Variants in SLC4A4 observed in about 807,000 individuals in gnomAD.
The protein encoded by SLC4A4 is solute carrier family 4 member 4.
Under a neutral mutation model 111.5 loss-of-function variants are expected in SLC4A4, and 27 were observed. The observed-to-expected ratio is 0.24, with a 90% CI of 0.18 to 0.33. SLC4A4 has a LOEUF of 0.33. Among genes scored for constraint, SLC4A4 ranks in the 10% least tolerant of loss-of-function variants. The probability of loss-of-function intolerance (pLI) is 1.00; values close to 1 mark genes in which losing one functional copy is unlikely to be tolerated. For missense variants in SLC4A4, 909 were observed against 1,315.5 expected, an observed-to-expected ratio of 0.69 and a Z score of 4.78; for synonymous variants, 443 against 463.4, an observed-to-expected ratio of 0.96 and a Z score of 0.57.
At chr4:71,175,623 G>A (rs1745067569) in intron 2 of SLC4A4, among the ~76,000 whole-genome samples, 2 of 152,238 alleles carry the variant, frequency 1.3e-5, no homozygotes, top group Non-Finnish European at 2.9e-5. Context: ...TGGCAGCGAG[G>A]CTGGGGGAGG....
intron 3 of SLC4A4, among the ~76,000 whole-genome samples, chr4:71,284,768 G>A (rs996672397): frequency 4.6e-5 from 7 of 152,012 alleles, no homozygotes; most frequent in Admixed American, 2.0e-4. Context: ...ATTTTGCTCC[G>A]CATTCTTTTC....
chr4:71,328,465 C>T (rs1358210464), intron 3 of SLC4A4, among the ~76,000 whole-genome samples: 1 of 152,102 alleles, frequency 6.6e-6, no homozygotes, highest in African/African-American at 2.4e-5. Context: ...TCCCTTTTCT[C>T]CACATCCTTG....
chr4:71,331,014 A>G (rs1222689357), intron 3 of SLC4A4, among the ~76,000 whole-genome samples: 2 of 152,218 alleles, frequency 1.3e-5, no homozygotes, highest in Non-Finnish European at 2.9e-5. Flanking sequence ...AGAAATGCAA[A>G]TCAAAACCAC....
At chr4:71,236,184 A>G (rs1266222617) in intron 1 of SLC4A4, 25 of 1,058,656 alleles carry the variant, frequency 2.4e-5, no homozygotes, top group Non-Finnish European at 2.7e-5. Context: ...CTGGATTTCC[A>G]CAAACGATCA....
intron 18 of SLC4A4, among the ~76,000 whole-genome samples, chr4:71,541,608 T>TCAGCTGCCTGTGGCCTCCC (rs1323977638): frequency 6.6e-6 from 1 of 152,084 alleles, no homozygotes; most frequent in Non-Finnish European, 1.5e-5. Flanking sequence ...CTCGGCCTTC[T>TCAGCTGCCTGTGGCCTCCC]CAGCTGCCTG....
intron 2 of SLC4A4, among the ~76,000 whole-genome samples, chr4:71,161,051 G>T (rs1744606003): frequency 6.6e-6 from 1 of 152,134 alleles, no homozygotes. Context: ...GGGGGCTGGG[G>T]TATGTCTGCT....
intron 1 of SLC4A4, among the ~76,000 whole-genome samples, chr4:71,226,245 A>G (rs1325433875): frequency 6.6e-6 from 1 of 152,204 alleles, no homozygotes; most frequent in Admixed American, 6.5e-5. Flanking sequence ...CCTGGGCTCA[A>G]GCAGTCTTCC....
rs1271454802 is a variant in SLC4A4, at chr4:71,509,232, A to G, written c.2166+11540A>G. 2.0e-5 allele frequency among the ~76,000 whole-genome samples: 3 copies of G among 152,188 alleles called. No homozygotes were observed. In the East Asian group the frequency reaches 5.8e-4, roughly 29 times the overall value. ...CTGTCTCACCATTCTTATTCAACATAGTATTGGAAGTTCTGGCCAGGGCAA... is the reference window on the plus strand; with the variant it reads ...CTGTCTCACCATTCTTATTCAACATGGTATTGGAAGTTCTGGCCAGGGCAA... On this transcript the variant is annotated intron_variant, in intron 16 of 25. Coordinates refer to ENST00000264485, the MANE Select transcript of SLC4A4 (RefSeq NM_001098484.3).
intron 2 of SLC4A4, among the ~76,000 whole-genome samples, chr4:71,127,820 C>T (rs1309559564): frequency 2.6e-5 from 4 of 152,086 alleles, no homozygotes; most frequent in Admixed American, 2.6e-4. Context: ...ATAAGATGTA[C>T]AATTCAAAGT....
intron 8 of SLC4A4, among the ~76,000 whole-genome samples, chr4:71,444,886 C>A (rs1725081880): frequency 6.6e-6 from 1 of 152,054 alleles, no homozygotes; most frequent in South Asian, 2.1e-4. Context: ...TGCTTGGATT[C>A]TCTCTATTTA....
intron 2 of SLC4A4, among the ~76,000 whole-genome samples, chr4:71,098,684 A>G (rs947517645): frequency 6.6e-6 from 1 of 152,170 alleles, no homozygotes; most frequent in East Asian, 1.9e-4. Flanking sequence ...CTAGATAAAA[A>G]GCAAGACCCA....
intron 7 of SLC4A4, among the ~76,000 whole-genome samples, chr4:71,413,556 A>G (rs1721580800): frequency 6.6e-6 from 1 of 152,244 alleles, no homozygotes; most frequent in Admixed American, 6.5e-5. Flanking sequence ...AGTGAAAAGT[A>G]CTTCTGCATT....
chr4:71,136,818 AT>A lies in SLC4A4; in HGVS notation c.-2+44034del, dbSNP rs377240933. 4.3e-4 allele frequency among the ~76,000 whole-genome samples: 65 copies of A among 151,978 alleles called. 1 individual carries two copies. Among genetic ancestry groups the A allele is most frequent in the African/African-American group, 1.4e-3 (58 of 41,474 alleles). ...CTGAAATAATAATAACAGCAATAGC[AT>A]TTTTTTTGGTGCAACTTAGTATAAG... On this transcript the variant is annotated intron_variant, in intron 2 of 26. Coordinates refer to the SLC4A4 transcript ENST00000649996.
At chr4:71,145,257 T>A (rs189480860) in intron 2 of SLC4A4, among the ~76,000 whole-genome samples, 2 of 152,324 alleles carry the variant, frequency 1.3e-5, no homozygotes, top group African/African-American at 4.8e-5. Flanking sequence ...GTTTATTGAT[T>A]TGTGTATGTT....
intron 7 of SLC4A4, among the ~76,000 whole-genome samples, chr4:71,439,323 G>A (rs897950756): frequency 6.6e-6 from 1 of 151,062 alleles, no homozygotes; most frequent in Non-Finnish European, 1.5e-5. Context: ...AGCTACTCAG[G>A]AGGCTGAGGC....
intron 2 of SLC4A4, among the ~76,000 whole-genome samples, chr4:71,105,351 G>A (rs1742878651): frequency 6.7e-6 from 1 of 148,928 alleles, no homozygotes; most frequent in Non-Finnish European, 1.5e-5. Context: ...ACTGCCCAAG[G>A]TAATTTATAG....
At chr4:71,108,105 T>G (rs1742993864) in intron 2 of SLC4A4, among the ~76,000 whole-genome samples, 1 of 152,200 alleles carries the variant, frequency 6.6e-6, no homozygotes, top group Admixed American at 6.5e-5. Context: ...AATTACAACT[T>G]TTTACAGTGT....
chr4:71,273,348 T>G (rs975177035), intron 3 of SLC4A4, among the ~76,000 whole-genome samples: 1 of 152,140 alleles, frequency 6.6e-6, no homozygotes, highest in Non-Finnish European at 1.5e-5. Context: ...AAGCAGAACT[T>G]AAAAATAATT....
intron 7 of SLC4A4, among the ~76,000 whole-genome samples, chr4:71,414,046 G>C (rs1460904655): frequency 6.6e-6 from 1 of 152,132 alleles, no homozygotes; most frequent in Non-Finnish European, 1.5e-5. Flanking sequence ...CTAATGCAGT[G>C]GTTCTTAAGC....
Sources: allele counts gnomAD v4.1 joint callset (sites outside exome capture counted in the v4.1 genomes callset), GRCh38; gene constraint gnomAD v4.1.1; transcripts MANE v1.5; gene names NCBI Gene and HGNC (gene_info 2026-07-23, HGNC 2026-07-21).